The following TNRC6A variants were observed in gnomAD, a reference collection of about 807,000 sequenced individuals.
TNRC6A encodes trinucleotide repeat-containing gene 6A protein.
In TNRC6A, 44 loss-of-function variants were observed where a neutral mutation model predicts 221.2. The observed-to-expected ratio is 0.20, with a 90% confidence interval of 0.16 to 0.26. The LOEUF (loss-of-function observed/expected upper bound fraction) is 0.26. Among genes scored for constraint, TNRC6A ranks in the 10% least tolerant of loss-of-function variants. TNRC6A has a pLI of 1.00. For missense variants in TNRC6A, 2,199 were observed against 2,404.4 expected (o/e 0.91, Z 1.79); for synonymous variants, 847 against 838.5 (o/e 1.01, Z -0.18).
At chr16:24,794,784 T>C in intron 8 of TNRC6A, 65 bp downstream of exon 8, 2 of 1,515,078 alleles carry the variant, frequency 1.3e-6, no homozygotes, top group East Asian at 2.3e-5. Context: ...CCACAGAAAA[T>C]TAACTTTTCG....
chr16:24,794,484 C>A, intron 7 of TNRC6A, 60 bp from the exon 8 acceptor site: 1 of 1,547,234 alleles, frequency 6.5e-7, no homozygotes, highest in Non-Finnish European at 8.7e-7. Context: ...TATACTTATT[C>A]TCCAGAAGGA....
At chr16:24,787,332 G>A (rs1454071966) in intron 5 of TNRC6A, among the ~76,000 whole-genome samples, 5 of 152,168 alleles carry the variant, frequency 3.3e-5, no homozygotes, top group South Asian at 2.1e-4. Flanking sequence ...GAAGGATTCT[G>A]ACGAATCCTG....
Position 24,789,597 on chromosome 16 carries a change from G to A in TNRC6A, c.955G>A (p.Ala319Thr). Reference protein sequence around the residue: ...STGPWGFSHGAIISTCQVSVD... With the variant: ...STGPWGFSHGTIISTCQVSVD... ...TGGGCCATGGGGTTTTTCCCATGGA[G>A]CCATAATAAGCACATGTCAGGTCTC... Residue 319 changes from alanine to threonine, a missense_variant, in exon 6 of 25, where the codon GCC (alanine) becomes ACC (threonine). Transcript: ENST00000395799. 1 of 1,614,104 alleles carries A rather than the reference G, an allele frequency of 6.2e-7. No individual in the cohort carries two copies. Among genetic ancestry groups the A allele is most frequent in the African/African-American group, 1.3e-5 (1 of 75,056 alleles).
At position 24,789,226 on chromosome 16, in the gene TNRC6A, T is replaced by C. The variant is rs1203069810; in HGVS notation, c.590-6T>C. ...TATAAATAGTTGTACTTCTCCTTTA[T>C]CCTAGATATAAACCACAGTACTTCA... On this transcript the variant is annotated splice_polypyrimidine_tract_variant and splice_region_variant and intron_variant, in intron 5 of 24. Transcript: ENST00000395799. 9 of 1,571,056 alleles carry C rather than the reference T, an allele frequency of 5.7e-6. No homozygotes were observed. The highest frequency in any genetic ancestry group is 7.8e-6 in the Non-Finnish European group (9 of 1,160,710).
At chr16:24,720,079 C>T (rs1203435504) in intron 2 of TNRC6A, among the ~76,000 whole-genome samples, 1 of 152,098 alleles carries the variant, frequency 6.6e-6, no homozygotes, top group Non-Finnish European at 1.5e-5. Context: ...TATAAGATAA[C>T]ATCAGGGAGA....
chr16:24,823,132 G>T lies in TNRC6A; in HGVS notation c.5513+119G>T, dbSNP rs2058800801. ...GGTGGCTCCTGCTGGCTGCAGTAGTGCCCTGATTCCAAGGTCGGCATTCCT... is the reference window on the plus strand; with the variant it reads ...GGTGGCTCCTGCTGGCTGCAGTAGTTCCCTGATTCCAAGGTCGGCATTCCT... On this transcript the variant is annotated intron_variant, in intron 24 of 24. Coordinates refer to ENST00000395799, the MANE Select transcript of TNRC6A (RefSeq NM_014494.4). This position sits in a 1 kb window ranked among gnomAD's most constrained non-coding sequence, Gnocchi z 4.3. 21 of 1,369,382 alleles carry T rather than the reference G, an allele frequency of 1.5e-5. No individual in the cohort carries two copies. Among genetic ancestry groups the T allele is most frequent in the Non-Finnish European group, 2.0e-5 (20 of 985,888 alleles). The allele number at this position is 1,369,382 out of a possible 1,614,324, so 84.8% of individuals were successfully genotyped here. A position where few individuals can be genotyped will look rare whatever the true frequency, so the allele number is the denominator to read the frequency against.
intron 1 of TNRC6A, 97 bp from the exon 2 acceptor site, chr16:24,730,156 C>A (rs1457044275): frequency 2.3e-6 from 3 of 1,292,720 alleles, no homozygotes; most frequent in African/African-American, 1.5e-5. Flanking sequence ...CATCCGGCCC[C>A]GGCGCGAGCC....
At chr16:24,761,801 G>A (rs1198705673) in intron 4 of TNRC6A, among the ~76,000 whole-genome samples, 2 of 152,186 alleles carry the variant, frequency 1.3e-5, no homozygotes, top group African/African-American at 4.8e-5. Context: ...GAGTAGTTGG[G>A]ACTGTAGGCG....
chr16:24,776,727 T>A lies in TNRC6A; in HGVS notation c.164-206T>A, dbSNP rs997324048. ...CGAAGGTCCCTGGGCCCTTATTGGGTAGGTAGGTAGCAGAAGTGAAATATG... is the reference window on the plus strand; with the variant it reads ...CGAAGGTCCCTGGGCCCTTATTGGGAAGGTAGGTAGCAGAAGTGAAATATG... On this transcript the variant is annotated intron_variant, in intron 4 of 24. Coordinates refer to ENST00000395799, the MANE Select transcript of TNRC6A (RefSeq NM_014494.4). 9.1e-6 allele frequency: 9 copies of A among 985,186 alleles called. No individual in the cohort carries two copies. In the African/African-American group the frequency reaches 1.4e-4, roughly 15 times the overall value. The allele number at this position is 985,186 out of a possible 1,614,324, so 61.0% of individuals were successfully genotyped here. A position where few individuals can be genotyped will look rare whatever the true frequency, so the allele number is the denominator to read the frequency against.
chr16:24,787,944 G>A (rs763561996), intron 5 of TNRC6A, among the ~76,000 whole-genome samples: 1 of 152,100 alleles, frequency 6.6e-6, no homozygotes, highest in East Asian at 1.9e-4. Flanking sequence ...AAAGCACTAC[G>A]TGTGATTCTG....
At chr16:24,767,041 G>A (rs1390909319) in intron 4 of TNRC6A, among the ~76,000 whole-genome samples, 1 of 152,104 alleles carries the variant, frequency 6.6e-6, no homozygotes, top group Non-Finnish European at 1.5e-5. Context: ...TGGACCTAGA[G>A]TTTTATTTAG....
intron 2 of TNRC6A, among the ~76,000 whole-genome samples, chr16:24,742,345 C>T (rs1023935844): frequency 3.3e-5 from 5 of 152,178 alleles, no homozygotes; most frequent in African/African-American, 9.7e-5. Flanking sequence ...CATTTGGACC[C>T]AGGGGTCTTC....
intron 1 of TNRC6A, among the ~76,000 whole-genome samples, chr16:24,627,153 C>T (rs1332821583): frequency 6.6e-6 from 1 of 151,904 alleles, no homozygotes; most frequent in Non-Finnish European, 1.5e-5. Context: ...GCTCACCTGC[C>T]GCAGCTTCTG....
In TNRC6A at chr16:24,722,396, A is replaced by G. The variant is rs1476232782; in HGVS notation, n.403-28330A>G. On this transcript the variant is annotated intron_variant and non_coding_transcript_variant, in intron 2 of 2. Coordinates refer to the TNRC6A transcript ENST00000566108. ...GCCACTACACCCTAGCCTGGGTGAC[A>G]GAGCAAGACCCCAACTATTTATTTA... Among the ~76,000 whole-genome samples the G allele has an allele frequency of 1.3e-5, 2 of 150,682 alleles. 1 individual carries two copies. The highest frequency in any genetic ancestry group is 3.9e-4 in the East Asian group (2 of 5,134).
chr16:24,629,560 G>A (rs1347335479), intron 1 of TNRC6A, among the ~76,000 whole-genome samples: 1 of 152,154 alleles, frequency 6.6e-6, no homozygotes, highest in Admixed American at 6.6e-5. Flanking sequence ...TAAATCTCCA[G>A]TTGACCGCCC....
At chr16:24,675,136 A>G (rs1050026202) in intron 2 of TNRC6A, among the ~76,000 whole-genome samples, 5 of 151,930 alleles carry the variant, frequency 3.3e-5, no homozygotes, top group Non-Finnish European at 5.9e-5. Flanking sequence ...ACAGATCGAG[A>G]CCCTGTTCAA....
At chr16:24,677,271 T>G (rs1451877021) in intron 2 of TNRC6A, among the ~76,000 whole-genome samples, 2 of 151,720 alleles carry the variant, frequency 1.3e-5, no homozygotes, top group African/African-American at 4.8e-5. Flanking sequence ...CAAGTGATTC[T>G]CATGCCTCAG....
intron 1 of TNRC6A, among the ~76,000 whole-genome samples, chr16:24,627,027 G>T (rs1392710255): frequency 6.6e-6 from 1 of 150,482 alleles, no homozygotes; most frequent in Non-Finnish European, 1.5e-5. Context: ...TAAAGCATCA[G>T]TCCAGATGAG....
At chr16:24,754,685 A>G (rs1361860640) in intron 3 of TNRC6A, among the ~76,000 whole-genome samples, 1 of 152,170 alleles carries the variant, frequency 6.6e-6, no homozygotes, top group African/African-American at 2.4e-5. Flanking sequence ...AGGAAAATAG[A>G]GGTTGAGAAA....
Sources: allele counts gnomAD v4.1 joint callset (sites outside exome capture counted in the v4.1 genomes callset), GRCh38; gene constraint gnomAD v4.1.1; non-coding constraint Gnocchi (gnomAD v3.1); transcripts MANE v1.5; gene names NCBI Gene and HGNC (gene_info 2026-07-23, HGNC 2026-07-21).